Variants in HS3ST4 observed in about 807,000 individuals in gnomAD.
HS3ST4 encodes the protein heparan sulfate-glucosamine 3-sulfotransferase 4.
A neutral mutation model predicts 29.2 loss-of-function variants in HS3ST4; 17 were observed. That is an observed-to-expected ratio of 0.58 (90% CI 0.40 to 0.87). The LOEUF is 0.87. Ranked by LOEUF, HS3ST4 falls within the 40% of genes least tolerant of loss-of-function variation. The pLI is 0.00. For synonymous variants in HS3ST4, 314 were observed against 285.7 expected (o/e 1.10, Z -1.00); for missense variants, 627 against 634.5 (o/e 0.99, Z 0.13).
chr16:25,929,388 G>GA (rs112782169), intron 1 of HS3ST4, among the ~76,000 whole-genome samples: 15,249 of 146,794 alleles, frequency 0.1, 869 homozygotes, highest in African/African-American at 0.14. Context: ...AAAACAAGAA[G>GA]AAAAAAAAAA....
chr16:25,977,878 C>T (rs895506156), intron 1 of HS3ST4, among the ~76,000 whole-genome samples: 5 of 152,110 alleles, frequency 3.3e-5, no homozygotes, highest in African/African-American at 9.7e-5. Context: ...TACAGATTGC[C>T]GCCCCCTGCC....
chr16:26,073,873 G>C (rs1430024402), intron 1 of HS3ST4, among the ~76,000 whole-genome samples: 1 of 152,102 alleles, frequency 6.6e-6, no homozygotes, highest in Non-Finnish European at 1.5e-5. Flanking sequence ...TGAGTATCTA[G>C]TTTTCTCTAC....
intron 1 of HS3ST4, among the ~76,000 whole-genome samples, chr16:25,911,496 GTTT>G (rs542274531): frequency 0.14 from 11,266 of 81,362 alleles, 926 homozygotes; most frequent in Non-Finnish European, 0.19. Context: ...CCGTTGTGTG[GTTT>G]TTTTTTTTTT....
At chr16:25,762,489 A>G (rs60344295) in intron 1 of HS3ST4, among the ~76,000 whole-genome samples, 22,596 of 152,092 alleles carry the variant, frequency 0.15, 1,837 homozygotes, top group African/African-American at 0.22. Context: ...GAGGGTGCTG[A>G]GGCAAGGCTT....
intron 1 of HS3ST4, among the ~76,000 whole-genome samples, chr16:25,937,471 T>C (rs1358896566): frequency 6.6e-6 from 1 of 152,170 alleles, no homozygotes; most frequent in African/African-American, 2.4e-5. Flanking sequence ...TAGTGGTTGG[T>C]TGTAGCAAAG....
intron 1 of HS3ST4, among the ~76,000 whole-genome samples, chr16:25,776,501 T>C (rs1966847638): frequency 6.6e-6 from 1 of 152,164 alleles, no homozygotes; most frequent in South Asian, 2.1e-4. Context: ...GTCTCATGTC[T>C]CCCTAAAATG....
chr16:26,105,683 C>A (rs535262120), intron 1 of HS3ST4, among the ~76,000 whole-genome samples: 43 of 152,350 alleles, frequency 2.8e-4, no homozygotes, highest in African/African-American at 8.9e-4. Context: ...TCACGCTAAC[C>A]TCTCCCTGGT....
At chr16:25,780,166 C>G (rs1014890879) in intron 1 of HS3ST4, among the ~76,000 whole-genome samples, 1 of 152,150 alleles carries the variant, frequency 6.6e-6, no homozygotes, top group Non-Finnish European at 1.5e-5. Context: ...TAGGATGCAC[C>G]GTGTTCAATC....
intron 1 of HS3ST4, among the ~76,000 whole-genome samples, chr16:25,733,079 T>C (rs1335241146): frequency 6.6e-6 from 1 of 152,210 alleles, no homozygotes; most frequent in East Asian, 1.9e-4. Flanking sequence ...ATGTAGGGAC[T>C]TTCTAGAACG....
intron 1 of HS3ST4, among the ~76,000 whole-genome samples, chr16:26,099,958 A>G (rs1294287535): frequency 3.3e-5 from 5 of 152,158 alleles, no homozygotes; most frequent in Non-Finnish European, 5.9e-5. Context: ...AGAGGGAGAA[A>G]GGGCAGAAAC....
At chr16:26,030,349 T>C (rs1424597986) in intron 1 of HS3ST4, among the ~76,000 whole-genome samples, 1 of 152,180 alleles carries the variant, frequency 6.6e-6, no homozygotes, top group Non-Finnish European at 1.5e-5. Flanking sequence ...GAGGCTGCAG[T>C]GAGCTATGAT....
intron 1 of HS3ST4, among the ~76,000 whole-genome samples, chr16:25,897,429 G>A (rs983177644): frequency 6.6e-6 from 1 of 152,124 alleles, no homozygotes; most frequent in African/African-American, 2.4e-5. Context: ...TCCAGCCTGG[G>A]CAACAAAGTG....
chr16:26,067,903 C>T (rs764020163), intron 1 of HS3ST4, among the ~76,000 whole-genome samples: 16 of 152,304 alleles, frequency 1.1e-4, no homozygotes, highest in Non-Finnish European at 1.8e-4. Flanking sequence ...CCATGCAAGA[C>T]GTGACTTTGC....
chr16:26,008,493 C>T (rs1168860690), intron 1 of HS3ST4, among the ~76,000 whole-genome samples: 1 of 152,132 alleles, frequency 6.6e-6, no homozygotes, highest in Non-Finnish European at 1.5e-5. Context: ...TTTGAAACTA[C>T]AACTTCTCCA....
At chr16:26,121,733 A>T (rs1162410286) in intron 1 of HS3ST4, among the ~76,000 whole-genome samples, 1 of 152,166 alleles carries the variant, frequency 6.6e-6, no homozygotes, top group African/African-American at 2.4e-5. Context: ...GTGCAGACAC[A>T]CTGAGACCTC....
chr16:25,889,821 G>C (rs577472094), intron 1 of HS3ST4, among the ~76,000 whole-genome samples: 2 of 152,076 alleles, frequency 1.3e-5, no homozygotes, highest in Non-Finnish European at 2.9e-5. Context: ...TGAATCATTG[G>C]GGTGGGGTTT....
intron 1 of HS3ST4, among the ~76,000 whole-genome samples, chr16:25,842,327 T>G (rs1967423611): frequency 6.6e-6 from 1 of 152,246 alleles, no homozygotes; most frequent in Non-Finnish European, 1.5e-5. Context: ...AGATCTGCAT[T>G]TATGTTAACA....
chr16:25,999,639 A>G (rs1172872151), intron 1 of HS3ST4, among the ~76,000 whole-genome samples: 1 of 149,914 alleles, frequency 6.7e-6, no homozygotes. Context: ...TTTAAAATCC[A>G]TAATATTTAG....
At chr16:25,893,201 T>A (rs2141669752) in intron 1 of HS3ST4, among the ~76,000 whole-genome samples, 1 of 152,222 alleles carries the variant, frequency 6.6e-6, no homozygotes, top group Non-Finnish European at 1.5e-5. Flanking sequence ...TGGCTGGGGC[T>A]TAGTGATCAA....
Sources: gnomAD v4.1 joint callset for allele counts (sites outside exome capture counted in the v4.1 genomes callset) on GRCh38, gnomAD v4.1.1 for gene constraint, MANE v1.5 for transcripts, NCBI Gene and HGNC (gene_info 2026-07-23, HGNC 2026-07-21) for gene names.